Variants in FGF12 observed in about 807,000 individuals in gnomAD.
FGF12 encodes the protein fibroblast growth factor 12, also known as fibroblast growth factor 12B.
Under a neutral mutation model 23.6 loss-of-function variants are expected in FGF12, and 14 were observed. The ratio of observed to expected loss-of-function variants is 0.59; its 90% confidence interval spans 0.39 to 0.93. The LOEUF is 0.93. Among genes scored for constraint, FGF12 ranks in the 40% least tolerant of loss-of-function variants. The pLI is 0.00. For synonymous variants in FGF12, 62 were observed against 77.3 expected, an observed-to-expected ratio of 0.80 and a Z score of 1.04; for missense variants, 175 against 217.8, an observed-to-expected ratio of 0.80 and a Z score of 1.24.
chr3:192,331,547 A>G (rs1717122518), intron 4 of FGF12, among the ~76,000 whole-genome samples: 1 of 152,128 alleles, frequency 6.6e-6, no homozygotes, highest in African/African-American at 2.4e-5. Context: ...TCTACAACAC[A>G]GATGAATGTT....
At chr3:192,725,789 T>C (rs1472217269) in intron 2 of FGF12, among the ~76,000 whole-genome samples, 1 of 152,216 alleles carries the variant, frequency 6.6e-6, no homozygotes, top group Non-Finnish European at 1.5e-5. Context: ...AAATACTTAG[T>C]CAGCTAGAAT....
chr3:192,682,905 T>G (rs902112801), intron 2 of FGF12, among the ~76,000 whole-genome samples: 15 of 152,212 alleles, frequency 9.9e-5, no homozygotes, highest in Non-Finnish European at 1.5e-5. Context: ...CTCTGGACCT[T>G]GAGGCTCTGG....
At chr3:192,411,119 G>C (rs1397048627) in intron 2 of FGF12, among the ~76,000 whole-genome samples, 1 of 152,144 alleles carries the variant, frequency 6.6e-6, no homozygotes, top group Non-Finnish European at 1.5e-5. Context: ...ACTGAAAATG[G>C]ATGTGGGACC....
chr3:192,641,404 CT>C (rs1186966084), intron 2 of FGF12, among the ~76,000 whole-genome samples: 3,174 of 30,262 alleles, frequency 0.1, 692 homozygotes, highest in East Asian at 0.48. Context: ...CGCGCCCGGC[CT>C]TTTTTTTTTT....
intron 2 of FGF12, among the ~76,000 whole-genome samples, chr3:192,412,821 G>A (rs1341100360): frequency 2.0e-5 from 3 of 152,106 alleles, no homozygotes; most frequent in South Asian, 2.1e-4. Context: ...TGCATTTTGG[G>A]ATCAGGAATG....
intron 2 of FGF12, among the ~76,000 whole-genome samples, chr3:192,571,605 CCTT>C (rs372893723): frequency 3.3e-5 from 5 of 152,308 alleles, no homozygotes; most frequent in African/African-American, 1.2e-4. Flanking sequence ...GGTTCTCGGG[CCTT>C]CTTAAAATAA....
rs533178399 is a variant in FGF12, at chr3:192,372,189, G to A, written c.14-11651C>T. Among the ~76,000 whole-genome samples the A allele has an allele frequency of 2.6e-5, 4 of 152,256 alleles. No individual in the cohort carries two copies. The South Asian group carries it at 6.2e-4, about 24-fold the overall frequency. On this transcript the variant is annotated intron_variant, in intron 2 of 5. Coordinates refer to ENST00000445105, the MANE Select transcript of FGF12 (RefSeq NM_004113.6). ...AATGAACAGGACACATTATTTGGGC[G>A]AGCACAGGCATGACAGTTCCCTGAC...
intron 2 of FGF12, among the ~76,000 whole-genome samples, chr3:192,390,917 G>A (rs1202328964): frequency 1.3e-5 from 2 of 152,334 alleles, no homozygotes; most frequent in East Asian, 1.9e-4. Context: ...TCTGGAGGAA[G>A]ATAATACATT....
chr3:192,381,356 C>T (rs146273083), intron 2 of FGF12, among the ~76,000 whole-genome samples: 5 of 152,256 alleles, frequency 3.3e-5, no homozygotes, highest in Middle Eastern at 6.8e-3. Context: ...ATATCCTAAA[C>T]CTACTGCCTG....
chr3:192,155,257 C>T (rs1714333450), intron 5 of FGF12, among the ~76,000 whole-genome samples: 1 of 152,168 alleles, frequency 6.6e-6, no homozygotes, highest in Non-Finnish European at 1.5e-5. Flanking sequence ...GATGGAAATG[C>T]AGAAATCACC....
intron 2 of FGF12, among the ~76,000 whole-genome samples, chr3:192,699,377 C>T (rs1299421648): frequency 1.3e-5 from 2 of 152,168 alleles, no homozygotes; most frequent in Admixed American, 6.6e-5. Flanking sequence ...GTAATCATGG[C>T]TCTCAAAAAG....
At chr3:192,378,094 C>CTTTCTTTCTTCT (rs1354979179) in intron 2 of FGF12, among the ~76,000 whole-genome samples, 1 of 67,158 alleles carries the variant, frequency 1.5e-5, no homozygotes, top group Non-Finnish European at 3.0e-5. Context: ...TTCTTTCTTT[C>CTTTCTTTCTTCT]TTCTTTCTTT....
chr3:192,657,789 T>C (rs1431186031), intron 2 of FGF12, among the ~76,000 whole-genome samples: 1 of 152,222 alleles, frequency 6.6e-6, no homozygotes, highest in Non-Finnish European at 1.5e-5. Context: ...TAAAACCATA[T>C]TTCCTAGACA....
chr3:192,535,029 C>CT (rs146324723), intron 2 of FGF12, among the ~76,000 whole-genome samples: 5,703 of 151,772 alleles, frequency 0.038, 370 homozygotes, highest in African/African-American at 0.13. Flanking sequence ...TTCCTGACTC[C>CT]TTTTGTAATA....
intron 2 of FGF12, among the ~76,000 whole-genome samples, chr3:192,554,419 T>C (rs923326696): frequency 1.3e-5 from 2 of 151,588 alleles, no homozygotes; most frequent in African/African-American, 4.9e-5. Context: ...AACAGACACA[T>C]TAGAGGGAGA....
intron 2 of FGF12, among the ~76,000 whole-genome samples, chr3:192,656,168 C>T (rs1486712825): frequency 6.6e-6 from 1 of 151,798 alleles, no homozygotes; most frequent in African/African-American, 2.4e-5. Context: ...GACGGAAGCT[C>T]ACCTGGGAAG....
At chr3:192,161,120 T>G (rs1714844631) in intron 5 of FGF12, among the ~76,000 whole-genome samples, 1 of 152,030 alleles carries the variant, frequency 6.6e-6, no homozygotes, top group African/African-American at 2.4e-5. Context: ...AGGAAAGAGA[T>G]TCTAAGGATC....
intron 2 of FGF12, among the ~76,000 whole-genome samples, chr3:192,535,324 T>C (rs1725199331): frequency 6.6e-6 from 1 of 152,236 alleles, no homozygotes; most frequent in African/African-American, 2.4e-5. Context: ...GAAAAAATTC[T>C]ACTTAAAATT....
intron 3 of FGF12, among the ~76,000 whole-genome samples, chr3:192,339,890 G>T (rs564135160): frequency 6.6e-6 from 1 of 152,230 alleles, no homozygotes; most frequent in East Asian, 1.9e-4. Flanking sequence ...TTAAATAAAT[G>T]TTATTATATG....
Sources: gnomAD v4.1 joint callset for allele counts (sites outside exome capture counted in the v4.1 genomes callset) on GRCh38, gnomAD v4.1.1 for gene constraint, MANE v1.5 for transcripts, NCBI Gene and HGNC (gene_info 2026-07-23, HGNC 2026-07-21) for gene names.